Variants in EP300 observed in about 807,000 individuals in gnomAD.
EP300 encodes the protein EP300 lysine acetyltransferase.
Under a neutral mutation model 264.0 loss-of-function variants are expected in EP300, and 31 were observed. That is an observed-to-expected ratio of 0.12 (90% CI 0.09 to 0.16). The LOEUF (loss-of-function observed/expected upper bound fraction) is 0.16, where lower values mean the gene tolerates loss of function less well. Among genes scored for constraint, EP300 ranks in the 10% least tolerant of loss-of-function variants. EP300 has a pLI of 1.00. For synonymous variants in EP300, 1,340 were observed against 1,045.4 expected (o/e 1.28, Z -5.44); for missense variants, 2,766 against 3,052.9 (o/e 0.91, Z 2.21).
chr22:41,122,397 C>T (rs891733002), intron 2 of EP300, among the ~76,000 whole-genome samples: 3 of 151,894 alleles, frequency 2.0e-5, no homozygotes, highest in Non-Finnish European at 4.4e-5. Context: ...AACTCCTGAC[C>T]TCAGGTGATC....
rs2145512183 is a variant in EP300 at position 41,176,267 on chromosome 22, C to T, written c.4800C>T (p.Leu1600=). The T allele has an allele frequency of 6.2e-7, 1 of 1,614,204 alleles. No homozygotes were observed. The highest frequency in any genetic ancestry group is 8.5e-7 in the Non-Finnish European group (1 of 1,180,034). ...KHKEVFFVIR[L]IAGPAANSLP... ...TTCAGGTCTTCTTTGTGATCCGCCT[C>T]ATTGCTGGCCCTGCTGCCAACTCCC... The change falls in exon 30 of 31, where the codon CTC becomes CTT. Residue 1600 remains leucine, a synonymous_variant. Transcript: ENST00000263253.
chr22:41,134,614 T>G (rs2058939582), intron 6 of EP300, among the ~76,000 whole-genome samples: 1 of 152,098 alleles, frequency 6.6e-6, no homozygotes, highest in Admixed American at 6.6e-5. Context: ...AGGCTGGTCT[T>G]GAACTCCTGA....
chr22:41,144,391 G>C (rs532623101), intron 10 of EP300, among the ~76,000 whole-genome samples: 46 of 151,672 alleles, frequency 3.0e-4, no homozygotes, highest in African/African-American at 1.1e-3. Flanking sequence ...GGTCTGTTTC[G>C]CCCAGCCTGG....
chr22:41,092,830 C>G lies in EP300; in HGVS notation c.-175C>G, dbSNP rs1025962601. On this transcript the variant is annotated 5_prime_UTR_variant, in exon 1 of 31. Transcript: ENST00000263253. ...GCCCTTACCTTTTCTATCGAGTCCG[C>G]ATCCCTCTCCAGCCACTGCGACCCG... is the stretch of plus-strand genomic sequence containing the variant. 1.4e-6 allele frequency: 1 copy of G among 736,776 alleles called. No homozygotes were observed. Among genetic ancestry groups the G allele is most frequent in the African/African-American group, 1.8e-5 (1 of 57,138 alleles). 45.6% of individuals were successfully genotyped at this position (736,776 alleles called of 1,614,324 possible).
intron 6 of EP300, among the ~76,000 whole-genome samples, chr22:41,135,393 T>C (rs2058944722): frequency 6.6e-6 from 1 of 152,162 alleles, no homozygotes; most frequent in Non-Finnish European, 1.5e-5. Flanking sequence ...TACTTTTATA[T>C]ATATGCACAA....
chr22:41,161,521 G>A (rs1203683444), intron 20 of EP300, among the ~76,000 whole-genome samples: 1 of 152,192 alleles, frequency 6.6e-6, no homozygotes, highest in Non-Finnish European at 1.5e-5. Context: ...GGAGGCTGAG[G>A]CAGGAGAACG....
intron 11 of EP300, 43 bp downstream of exon 11, chr22:41,146,859 G>C (rs765404399): frequency 3.3e-6 from 5 of 1,532,642 alleles, no homozygotes; most frequent in Non-Finnish European, 4.5e-6. Context: ...AGAATCCCCG[G>C]TGTACTGCAA....
intron 1 of EP300, among the ~76,000 whole-genome samples, chr22:41,095,357 T>A (rs1569078801): frequency 1.4e-5 from 2 of 147,152 alleles, no homozygotes; most frequent in African/African-American, 5.0e-5. Context: ...TCAGCCTCCC[T>A]AGTAGCTAGG....
At chr22:41,129,554 TATAGGCATGTGTGTC>T (rs1167360948) in intron 4 of EP300, among the ~76,000 whole-genome samples, 8 of 152,364 alleles carry the variant, frequency 5.3e-5, no homozygotes, top group Admixed American at 5.2e-4. Context: ...AAAGTGTTCT[TATAGGCATGTGTGTC>T]ATAACATTGG....
intron 1 of EP300, among the ~76,000 whole-genome samples, chr22:41,112,309 C>T (rs2058796763): frequency 6.6e-6 from 1 of 152,162 alleles, no homozygotes; most frequent in African/African-American, 2.4e-5. Context: ...CTTGCTTCAG[C>T]CTCCCAAGTA....
rs773141352 is a variant in EP300 at position 41,117,772 on chromosome 22, C to T, written c.680C>T (p.Ser227Phe). The T allele has an allele frequency of 3.7e-6, 6 of 1,614,226 alleles. No individual in the cohort carries two copies. Among genetic ancestry groups the T allele is most frequent in the South Asian group, 1.1e-5 (1 of 91,082 alleles). ...NLLTEPLQQG[S>F]PQMGGQTGLR... ...CTGACTGAGCCTCTTCAGCAGGGCTCTCCCCAGATGGGAGGACAAACAGGA... is the reference window on the plus strand; with the variant it reads ...CTGACTGAGCCTCTTCAGCAGGGCTTTCCCCAGATGGGAGGACAAACAGGA... The change falls in exon 2 of 31, where the codon TCT (serine) becomes TTT (phenylalanine). Residue 227 changes from serine (S) to phenylalanine (F), a missense_variant. Physicochemically the swap from Ser to Phe is radical, Grantham distance 155. Transcript: ENST00000263253.
chr22:41,172,816 G>T (rs1322000209), intron 28 of EP300, among the ~76,000 whole-genome samples, 153 bp downstream of exon 28: 1 of 152,164 alleles, frequency 6.6e-6, no homozygotes, highest in Non-Finnish European at 1.5e-5. Context: ...GGTTATTAGG[G>T]TTCTGTTTCA....
chr22:41,107,121 G>T (rs1393865530), intron 1 of EP300, among the ~76,000 whole-genome samples: 1 of 151,888 alleles, frequency 6.6e-6, no homozygotes, highest in African/African-American at 2.4e-5. Context: ...TGGCCAGGCT[G>T]GTCTCAAACT....
At position 41,157,512 on chromosome 22, in the gene EP300, C is replaced by CTTT. The variant is rs1214250106; in HGVS notation, c.3501+124_3501+126dup. On this transcript the variant is annotated intron_variant, in intron 18 of 30. Coordinates refer to ENST00000263253, the MANE Select transcript of EP300 (RefSeq NM_001429.4). ...TATCCTGCTTCTGGCTTTGACATGG[C>CTTT]TTTTTTTTTTTTTTTTTTTTTTCCT... 590 of 443,176 alleles carry CTTT rather than the reference C, an allele frequency of 1.3e-3. 13 individuals carry two copies. Among genetic ancestry groups the CTTT allele is most frequent in the African/African-American group, 6.8e-3 (225 of 32,958 alleles). 27.5% of individuals were successfully genotyped at this position (443,176 alleles called of 1,614,324 possible).
chr22:41,095,967 G>T (rs923680649), intron 1 of EP300, among the ~76,000 whole-genome samples: 2 of 152,092 alleles, frequency 1.3e-5, no homozygotes, highest in Non-Finnish European at 2.9e-5. Context: ...AAATTTCCAG[G>T]TTGATTCAAA....
chr22:41,105,663 T>G (rs746115932), intron 1 of EP300, among the ~76,000 whole-genome samples: 7 of 152,062 alleles, frequency 4.6e-5, no homozygotes, highest in Non-Finnish European at 7.4e-5. Flanking sequence ...TCCCAAAGTG[T>G]TGGGATTACA....
At chr22:41,125,410 G>A (rs1041783802) in intron 2 of EP300, among the ~76,000 whole-genome samples, 1 of 150,680 alleles carries the variant, frequency 6.6e-6, no homozygotes, top group African/African-American at 2.5e-5. Context: ...GAGCCACTGC[G>A]CCCGGCTGTT....
At chr22:41,140,078 A>G in intron 8 of EP300, 62 bp from the exon 9 acceptor site, 1 of 1,222,580 alleles carries the variant, frequency 8.2e-7, no homozygotes, top group Non-Finnish European at 1.2e-6. Context: ...GTGTATAAAA[A>G]TCAGAAAAAT....
intron 1 of EP300, among the ~76,000 whole-genome samples, chr22:41,113,981 CTA>C (rs943666615): frequency 9.2e-5 from 14 of 151,936 alleles, no homozygotes; most frequent in African/African-American, 3.4e-4. Flanking sequence ...TTTTTGCCCT[CTA>C]TGTTCAGTAT....
Sources: gnomAD v4.1 joint callset for allele counts (sites outside exome capture counted in the v4.1 genomes callset) on GRCh38, gnomAD v4.1.1 for gene constraint, MANE v1.5 for transcripts, NCBI Gene and HGNC (gene_info 2026-07-23, HGNC 2026-07-21) for gene names.